The following GPR89B variants were observed in gnomAD, a reference collection of about 807,000 sequenced individuals.
GPR89B encodes the protein G protein-coupled receptor 89B.
A neutral mutation model predicts 52.4 loss-of-function variants in GPR89B; 25 were observed. The observed-to-expected ratio is 0.48, with a 90% CI of 0.35 to 0.67. The LOEUF is 0.67. Ranked by LOEUF, GPR89B falls within the 30% of genes least tolerant of loss-of-function variation. The probability of loss-of-function intolerance (pLI) is 0.01; values close to 1 mark genes in which losing one functional copy is unlikely to be tolerated. For synonymous variants in GPR89B, 52 were observed against 151.2 expected, an observed-to-expected ratio of 0.34 and a Z score of 4.81; for missense variants, 146 against 450.2, an observed-to-expected ratio of 0.32 and a Z score of 6.11.
At chr1:147,978,885 C>T (rs1451910507) in intron 10 of GPR89B, among the ~76,000 whole-genome samples, 2 of 150,884 alleles carry the variant, frequency 1.3e-5, no homozygotes, top group Admixed American at 6.6e-5. Flanking sequence ...GGAACTTGGT[C>T]GTCTTAGGCA....
At chr1:148,003,083 A>G in the GPR89B span, among the ~76,000 whole-genome samples, 1 of 152,220 alleles carries the variant, frequency 6.6e-6, no homozygotes, top group South Asian at 2.1e-4. Context: ...TGACTAAAGA[A>G]TTCCTGTCTG....
At chr1:147,991,137 G>C (rs1292563016) in intron 12 of GPR89B, among the ~76,000 whole-genome samples, 1 of 150,896 alleles carries the variant, frequency 6.6e-6, no homozygotes, top group Non-Finnish European at 1.5e-5. Flanking sequence ...GCAGTGGTTT[G>C]TAGTTCTCCT....
At chr1:148,013,468 C>T in the GPR89B span, among the ~76,000 whole-genome samples, 2 of 152,084 alleles carry the variant, frequency 1.3e-5, no homozygotes, top group Non-Finnish European at 2.9e-5. Context: ...CAAGACCCTC[C>T]GAAGGAAGGA....
the GPR89B span, among the ~76,000 whole-genome samples, chr1:148,017,217 A>G: frequency 1.3e-5 from 2 of 150,940 alleles, no homozygotes; most frequent in African/African-American, 4.9e-5. Context: ...AATTTTTTGT[A>G]TTTTTAGTAG....
intron 5 of GPR89B, among the ~76,000 whole-genome samples, chr1:147,951,752 A>G (rs1553251105): frequency 1.3e-5 from 2 of 151,900 alleles, no homozygotes; most frequent in Non-Finnish European, 1.5e-5. Flanking sequence ...GCAGAAAACC[A>G]AAAACAAATA....
At chr1:147,967,713 A>G (rs1657132188) in intron 8 of GPR89B, 1 of 151,678 alleles carries the variant, frequency 6.6e-6, no homozygotes, top group African/African-American at 2.5e-5. Flanking sequence ...GAAGATAAGA[A>G]TAAGATCAAA....
At chr1:147,946,153 CATT>C (rs1654957859) in intron 5 of GPR89B, among the ~76,000 whole-genome samples, 1 of 151,442 alleles carries the variant, frequency 6.6e-6, no homozygotes, top group Non-Finnish European at 1.5e-5. Flanking sequence ...TCCTGGCCAT[CATT>C]AGGAGATATT....
rs868943047 is a variant in GPR89B at position 147,949,616 on chromosome 1, C to T, written c.416-3729C>T. 3.7e-4 allele frequency among the ~76,000 whole-genome samples: 51 copies of T among 137,572 alleles called. 2 individuals carry two copies. Among genetic ancestry groups the T allele is most frequent in the African/African-American group, 1.3e-3 (45 of 33,992 alleles). 90.3% of individuals were successfully genotyped at this position (137,572 alleles called of 152,430 possible). On this transcript the variant is annotated intron_variant, in intron 5 of 13. Coordinates refer to ENST00000314163, the MANE Select transcript of GPR89B (RefSeq NM_016334.5). ...CTCCAGGACCGGGCAGCTGACGGGG[C>T]GGGGGGCTGACCCCCCCACCTCCCT...
At chr1:148,022,403 G>A in the GPR89B span, among the ~76,000 whole-genome samples, 16,017 of 151,532 alleles carry the variant, frequency 0.11, 1,222 homozygotes, top group African/African-American at 0.19. Flanking sequence ...ATCTAGACCT[G>A]GCGCTTTGTT....
intron 9 of GPR89B, chr1:147,969,174 G>A: frequency 2.0e-6 from 1 of 491,766 alleles, no homozygotes; most frequent in East Asian, 3.5e-5. Flanking sequence ...CTCAAAAGTA[G>A]CAATTGGTGG....
In GPR89B at chr1:147,969,901, A is replaced by G. The variant is rs1309550047; in HGVS notation, c.851A>G (p.Lys284Arg). ...RIEYSKTFKGKYFNFLGYFFS... is the reference protein window; with the variant it reads ...RIEYSKTFKGRYFNFLGYFFS... ...GAATACTCCAAAACCTTCAAGGGGA[A>G]ATATTTTAATTTTCTTGGTTACTTT... Residue 284 changes from lysine to arginine, a missense_variant, in exon 10 of 14, where the codon AAA becomes AGA. By Grantham distance (26) the Lys-to-Arg change is conservative. Coordinates refer to ENST00000314163, the MANE Select transcript of GPR89B (RefSeq NM_016334.5). The G allele has an allele frequency of 2.7e-6, 4 of 1,495,312 alleles. No individual in the cohort carries two copies. The African/African-American group carries it at 5.8e-5, about 22-fold the overall frequency. 92.6% of individuals were successfully genotyped at this position (1,495,312 alleles called of 1,614,324 possible).
chr1:147,993,151 G>A lies in GPR89B; in HGVS notation c.*234G>A, dbSNP rs1444097569. On this transcript the variant is annotated 3_prime_UTR_variant, in exon 14 of 14. Transcript: ENST00000314163. Reference sequence around the variant, plus strand: ...GACAATACTCAGCAGAGAGCATCCCGTGTGGATATGAGGCTGGTGTAGAGG... The same window carrying A: ...GACAATACTCAGCAGAGAGCATCCCATGTGGATATGAGGCTGGTGTAGAGG... The A allele has an allele frequency of 4.4e-5, 46 of 1,050,942 alleles. No homozygotes were observed. Among genetic ancestry groups the A allele is most frequent in the East Asian group, 2.9e-4 (11 of 37,414 alleles). 65.1% of individuals were successfully genotyped at this position (1,050,942 alleles called of 1,614,324 possible).
the GPR89B span, among the ~76,000 whole-genome samples, chr1:148,017,505 T>A: frequency 6.8e-6 from 1 of 148,016 alleles, no homozygotes; most frequent in South Asian, 2.2e-4. Flanking sequence ...GAGGCCGAGG[T>A]GGGTGGATCA....
the GPR89B span, among the ~76,000 whole-genome samples, chr1:148,016,697 GC>G: frequency 6.6e-6 from 1 of 151,888 alleles, no homozygotes; most frequent in Admixed American, 6.6e-5. Flanking sequence ...TTGGAGACCA[GC>G]CTGAGCAACA....
chr1:147,998,791 G>A, the GPR89B span, among the ~76,000 whole-genome samples: 1 of 149,338 alleles, frequency 6.7e-6, no homozygotes, highest in South Asian at 2.1e-4. Context: ...TGAGGCAGGA[G>A]ACTCACTTGA....
chr1:148,019,430 G>A, the GPR89B span, among the ~76,000 whole-genome samples: 1 of 151,716 alleles, frequency 6.6e-6, no homozygotes, highest in Non-Finnish European at 1.5e-5. Context: ...TGGAGGGTGG[G>A]GGTTGGGAGG....
At chr1:148,006,008 CTT>C in the GPR89B span, among the ~76,000 whole-genome samples, 613 of 152,280 alleles carry the variant, frequency 4.0e-3, 3 homozygotes, top group African/African-American at 0.014. Context: ...ATGGTAAAGA[CTT>C]TTCTCCCAAT....
the GPR89B span, among the ~76,000 whole-genome samples, chr1:148,015,111 C>G: frequency 6.6e-6 from 1 of 151,482 alleles, no homozygotes; most frequent in Non-Finnish European, 1.5e-5. Flanking sequence ...CTGGAGTTGG[C>G]TGGTTCAAGC....
chr1:147,936,736 C>G (rs1654125174), intron 2 of GPR89B, 50 bp downstream of exon 2: 1 of 1,499,150 alleles, frequency 6.7e-7, no homozygotes, highest in Admixed American at 1.8e-5. Flanking sequence ...TTTAGATTGA[C>G]AAGAAAAATG....
Sources: gnomAD v4.1 joint callset for allele counts (sites outside exome capture counted in the v4.1 genomes callset) on GRCh38, gnomAD v4.1.1 for gene constraint, MANE v1.5 for transcripts, NCBI Gene and HGNC (gene_info 2026-07-23, HGNC 2026-07-21) for gene names.